The following ZNF714 variants were observed in gnomAD, a reference collection of about 807,000 sequenced individuals.
ZNF714 encodes the protein zinc finger protein 714.
ZNF714 carries 32 observed loss-of-function variants against 46.2 expected under a neutral mutation model. That is an observed-to-expected ratio of 0.69 (90% CI 0.52 to 0.93). The LOEUF (loss-of-function observed/expected upper bound fraction) is 0.93, where lower values mean the gene tolerates loss of function less well. Ranked by LOEUF, ZNF714 falls within the 40% of genes least tolerant of loss-of-function variation. The pLI, the probability that ZNF714 is intolerant of heterozygous loss-of-function variation, is 0.00. For missense variants in ZNF714, 635 were observed against 646.3 expected, an observed-to-expected ratio of 0.98 and a Z score of 0.19; for synonymous variants, 199 against 213.1, an observed-to-expected ratio of 0.93 and a Z score of 0.58.
Position 21,118,081 on chromosome 19 carries a change from A to T in ZNF714, c.1417A>T (p.Ile473Leu), listed in dbSNP as rs144337339. 1.0e-4 allele frequency: 165 copies of T among 1,613,976 alleles called. No homozygotes were observed. The East Asian group carries it at 2.6e-3, about 26-fold the overall frequency. Residue 473 changes from isoleucine (I) to leucine (L), a missense_variant, in exon 5 of 5, where the codon ATA (isoleucine) becomes TTA (leucine). By Grantham distance (5) the Ile-to-Leu change is conservative. Transcript: ENST00000456283. ...NRSSNLTKHNIIHTGEKSYKC... is the reference protein window; with the variant it reads ...NRSSNLTKHNLIHTGEKSYKC... ...ATCCTCAAACCTTACTAAACATAACATAATTCATACTGGAGAGAAATCTTA... is the reference window on the plus strand; with the variant it reads ...ATCCTCAAACCTTACTAAACATAACTTAATTCATACTGGAGAGAAATCTTA...
chr19:21,123,285 T>C lies in ZNF714; in HGVS notation c.*4953T>C, dbSNP rs1462130154. 6.6e-6 allele frequency: 1 copy of C among 152,068 alleles called. No homozygotes were observed. The highest frequency in any genetic ancestry group is 6.5e-5 in the Admixed American group (1 of 15,268). The allele number at this position is 152,068 out of a possible 1,614,324, so 9.4% of individuals were successfully genotyped here. On this transcript the variant is annotated 3_prime_UTR_variant, in exon 5 of 5. Coordinates refer to ENST00000456283, the MANE Select transcript of ZNF714 (RefSeq NM_182515.4). ...TACAAAGTGTGGCAAATATAAAACT[T>C]GCTTGAAAATATGGAAATTAAATTT...
In ZNF714 at chr19:21,082,452, A is replaced by G. The variant is rs1968675150; in HGVS notation, c.-177+104A>G. Reference sequence around the variant, plus strand: ...TAGGCCTCCCCGCAGTCAACTCTACAATCTGCGCCCGGAGTTCTCCTTGCT... The same window carrying G: ...TAGGCCTCCCCGCAGTCAACTCTACGATCTGCGCCCGGAGTTCTCCTTGCT... On this transcript the variant is annotated intron_variant, in intron 1 of 4. Coordinates refer to ENST00000456283, the MANE Select transcript of ZNF714 (RefSeq NM_182515.4). 15 of 1,170,634 alleles carry G rather than the reference A, an allele frequency of 1.3e-5. No individual in the cohort carries two copies. In the Admixed American group the frequency reaches 1.4e-4, roughly 11 times the overall value. The allele number at this position is 1,170,634 out of a possible 1,614,324, so 72.5% of individuals were successfully genotyped here.
chr19:21,113,540 T>G (rs896826702), intron 4 of ZNF714, among the ~76,000 whole-genome samples: 1 of 150,054 alleles, frequency 6.7e-6, no homozygotes, highest in African/African-American at 2.5e-5. Context: ...CGAGTCTCGC[T>G]CTGTCACCCA....
chr19:21,105,575 A>G (rs1051922674), intron 4 of ZNF714, among the ~76,000 whole-genome samples: 2 of 151,928 alleles, frequency 1.3e-5, no homozygotes, highest in African/African-American at 4.8e-5. Context: ...GCCAAGACCC[A>G]TGTCAAGTTT....
chr19:21,092,906 C>CTTTT (rs56845417), intron 2 of ZNF714, among the ~76,000 whole-genome samples: 1,532 of 101,580 alleles, frequency 0.015, 53 homozygotes, highest in Non-Finnish European at 0.02. Flanking sequence ...ATAACTTAAA[C>CTTTT]TTTTTTTTTT....
chr19:21,100,205 A>G (rs1019033511), intron 4 of ZNF714, among the ~76,000 whole-genome samples: 3 of 152,060 alleles, frequency 2.0e-5, no homozygotes, highest in South Asian at 2.1e-4. Flanking sequence ...TCTTTCATTG[A>G]TATCTTATAT....
Position 21,124,863 on chromosome 19 carries a change from T to C in ZNF714, c.*6531T>C, listed in dbSNP as rs1310125043. On this transcript the variant is annotated 3_prime_UTR_variant, in exon 5 of 5. Transcript: ENST00000456283. ...GGTGAAATCATGAAATATTAATCTT[T>C]CTGTGCCTGGCCTATCCCAACTAAT... is the stretch of plus-strand genomic sequence containing the variant. 2 of 152,042 alleles carry C rather than the reference T, an allele frequency of 1.3e-5. No homozygotes were observed. Among genetic ancestry groups the C allele is most frequent in the African/African-American group, 4.8e-5 (2 of 41,434 alleles). The allele number at this position is 152,042 out of a possible 1,614,324, so 9.4% of individuals were successfully genotyped here. A position where few individuals can be genotyped will look rare whatever the true frequency, so the allele number is the denominator to read the frequency against.
chr19:21,122,187 A>G lies in ZNF714; in HGVS notation c.*3855A>G. ...GTTTTTATATATAAATGTAGCAAAC[A>G]TACATTACAGTTCTTACTGTGTAAT... On this transcript the variant is annotated 3_prime_UTR_variant, in exon 5 of 5. Coordinates refer to ENST00000456283, the MANE Select transcript of ZNF714 (RefSeq NM_182515.4). 6.6e-6 allele frequency: 1 copy of G among 152,246 alleles called. No homozygotes were observed. The highest frequency in any genetic ancestry group is 1.5e-5 in the Non-Finnish European group (1 of 68,046). 9.4% of individuals were successfully genotyped at this position (152,246 alleles called of 1,614,324 possible). A position where few individuals can be genotyped will look rare whatever the true frequency, so the allele number is the denominator to read the frequency against.
chr19:21,092,932 CAG>C (rs996701830), intron 2 of ZNF714, among the ~76,000 whole-genome samples: 2 of 86,484 alleles, frequency 2.3e-5, no homozygotes, highest in East Asian at 3.8e-4. Flanking sequence ...TTTTTTGAGA[CAG>C]AGTCTCGCTC....
intron 4 of ZNF714, among the ~76,000 whole-genome samples, chr19:21,107,004 C>T (rs1052920452): frequency 2.0e-5 from 3 of 151,710 alleles, no homozygotes; most frequent in Non-Finnish European, 4.4e-5. Flanking sequence ...TTTTTGTATT[C>T]TTAGTAGAGA....
chr19:21,085,679 T>C (rs1568271673), intron 2 of ZNF714, among the ~76,000 whole-genome samples: 1 of 151,990 alleles, frequency 6.6e-6, no homozygotes, highest in African/African-American at 2.4e-5. Context: ...TGGGGGATGC[T>C]CCCCTGCAGA....
intron 4 of ZNF714, among the ~76,000 whole-genome samples, chr19:21,109,409 C>T (rs1321985309): frequency 6.6e-6 from 1 of 151,986 alleles, no homozygotes; most frequent in Non-Finnish European, 1.5e-5. Flanking sequence ...TCTGTAGATA[C>T]AATTTTTTGC....
At chr19:21,101,483 G>T (rs980175908) in intron 4 of ZNF714, among the ~76,000 whole-genome samples, 2 of 152,180 alleles carry the variant, frequency 1.3e-5, no homozygotes, top group South Asian at 2.1e-4. Flanking sequence ...CACGAGGGCA[G>T]TGTCTGCAGT....
chr19:21,106,734 G>C (rs983179013), intron 4 of ZNF714, among the ~76,000 whole-genome samples: 1 of 152,032 alleles, frequency 6.6e-6, no homozygotes, highest in Non-Finnish European at 1.5e-5. Context: ...TATACAGAAG[G>C]CTTCATTTCT....
Position 21,121,708 on chromosome 19 carries a change from TAAAA to T in ZNF714, c.*3379_*3382del. 1 of 152,200 alleles carries T rather than the reference TAAAA, an allele frequency of 6.6e-6. No individual in the cohort carries two copies. Among genetic ancestry groups the T allele is most frequent in the East Asian group, 1.9e-4 (1 of 5,200 alleles). 9.4% of individuals were successfully genotyped at this position (152,200 alleles called of 1,614,324 possible). On this transcript the variant is annotated 3_prime_UTR_variant, in exon 5 of 5. Coordinates refer to ENST00000456283, the MANE Select transcript of ZNF714 (RefSeq NM_182515.4). The stretch of plus-strand genomic sequence containing the variant: ...GTGGCTACTATAAAACTAAAAACCT[TAAAA>T]AATGCTGAAAGCAAATGTATACTTT...
Position 21,117,603 on chromosome 19 carries a change from C to T in ZNF714, c.939C>T (p.Tyr313=). The T allele has an allele frequency of 1.9e-6, 3 of 1,610,480 alleles. No individual in the cohort carries two copies. Among genetic ancestry groups the T allele is most frequent in the Non-Finnish European group, 2.5e-6 (3 of 1,178,010 alleles). The change falls in exon 5 of 5, where the codon TAC becomes TAT. Residue 313 remains tyrosine (Y), a synonymous_variant. Coordinates refer to ENST00000456283, the MANE Select transcript of ZNF714 (RefSeq NM_182515.4). The part of the protein sequence containing the change: ...HKIIHSGEKS[Y]KCEQCGKGFN... ...TAATTCATTCTGGAGAGAAATCTTA[C>T]AAATGTGAACAATGTGGCAAAGGCT...
At chr19:21,094,618 C>T (rs1355290162) in intron 2 of ZNF714, among the ~76,000 whole-genome samples, 2 of 152,144 alleles carry the variant, frequency 1.3e-5, no homozygotes, top group Non-Finnish European at 2.9e-5. Context: ...CCTCCACCTC[C>T]TTGATTCAAT....
chr19:21,115,622 A>G (rs573280661), intron 4 of ZNF714, among the ~76,000 whole-genome samples: 1 of 152,004 alleles, frequency 6.6e-6, no homozygotes, highest in Non-Finnish European at 1.5e-5. Context: ...CAGTTCACTG[A>G]CTATCTTATA....
At chr19:21,116,691 G>C in intron 4 of ZNF714, 116 bp from the exon 5 acceptor site, 3 of 1,220,428 alleles carry the variant, frequency 2.5e-6, no homozygotes, top group Non-Finnish European at 3.3e-6. Flanking sequence ...TTTAGGGCCT[G>C]TGGTATTTTA....
Sources: gnomAD v4.1 joint callset for allele counts (sites outside exome capture counted in the v4.1 genomes callset) on GRCh38, gnomAD v4.1.1 for gene constraint, MANE v1.5 for transcripts, NCBI Gene and HGNC (gene_info 2026-07-23, HGNC 2026-07-21) for gene names.